The following SAMD12 variants were observed in gnomAD, a reference collection of about 807,000 sequenced individuals.
The protein encoded by SAMD12 is sterile alpha motif domain containing 12.
SAMD12 carries 9 observed loss-of-function variants against 15.0 expected under a neutral mutation model. That is an observed-to-expected ratio of 0.60 (90% CI 0.36 to 1.05). SAMD12 has a LOEUF of 1.05. SAMD12 is among the 50% of genes least tolerant of loss of function. The pLI, the probability that SAMD12 is intolerant of heterozygous loss-of-function variation, is 0.01. For synonymous variants in SAMD12, 86 were observed against 90.1 expected (o/e 0.96, Z 0.25); for missense variants, 230 against 234.2 (o/e 0.98, Z 0.12).
chr8:118,262,610 G>A (rs1217542218), intron 4 of SAMD12, among the ~76,000 whole-genome samples: 2 of 152,012 alleles, frequency 1.3e-5, no homozygotes, highest in African/African-American at 4.8e-5. Context: ...CAGACAACAT[G>A]GAAAAGAAGC....
At chr8:118,308,460 G>T (rs540871730) in intron 4 of SAMD12, among the ~76,000 whole-genome samples, 3 of 152,118 alleles carry the variant, frequency 2.0e-5, no homozygotes, top group Non-Finnish European at 4.4e-5. Flanking sequence ...CTCCCATTTT[G>T]CAGGGAGGAA....
At position 118,225,850 on chromosome 8, in the gene SAMD12, A is replaced by G. The variant is rs185635223; in HGVS notation, c.434-28118T>C. ...CATCAAAGCAGCTCTCCAAGGACAG[A>G]TAATGAGATTGAGGCTCAGAGATGG... On this transcript the variant is annotated intron_variant, in intron 4 of 4. Transcript: ENST00000409003. 1.6e-4 allele frequency among the ~76,000 whole-genome samples: 24 copies of G among 152,320 alleles called. No individual in the cohort carries two copies. The East Asian group carries it at 3.5e-3, about 22-fold the overall frequency.
At chr8:118,502,357 T>C (rs1824808855) in intron 2 of SAMD12, among the ~76,000 whole-genome samples, 1 of 152,218 alleles carries the variant, frequency 6.6e-6, no homozygotes. Context: ...TCATGGGTTA[T>C]GTTAGACAAA....
Position 118,618,028 on chromosome 8 carries a change from GTT to G in SAMD12, c.13+3774_13+3775del, listed in dbSNP as rs11308490. On this transcript the variant is annotated intron_variant, in intron 1 of 3. Transcript: ENST00000314727. ...AATTATTTCACAAGACATTGTTTTT[GTT>G]TTTTTTTTTTTTAAAAAAAGGCAAT... Among the ~76,000 whole-genome samples the G allele has an allele frequency of 5.3e-3, 764 of 145,372 alleles. 4 individuals are homozygous for G. Among genetic ancestry groups the G allele is most frequent in the African/African-American group, 0.016 (641 of 39,086 alleles).
intron 2 of SAMD12, among the ~76,000 whole-genome samples, chr8:118,521,006 G>A (rs1439840625): frequency 2.6e-5 from 4 of 151,996 alleles, no homozygotes; most frequent in Non-Finnish European, 5.9e-5. Flanking sequence ...ACTCTGTGTC[G>A]ATTTACAATT....
At chr8:118,265,901 C>A (rs1374395143) in intron 4 of SAMD12, among the ~76,000 whole-genome samples, 1 of 151,920 alleles carries the variant, frequency 6.6e-6, no homozygotes, top group Non-Finnish European at 1.5e-5. Context: ...CGACATCATA[C>A]AATATAAGAC....
chr8:118,235,913 C>T (rs1812418969), intron 4 of SAMD12, among the ~76,000 whole-genome samples: 1 of 152,160 alleles, frequency 6.6e-6, no homozygotes, highest in Non-Finnish European at 1.5e-5. Flanking sequence ...GAAAACAACG[C>T]AATAGTATTT....
At chr8:118,555,227 G>A (rs1442667035) in intron 2 of SAMD12, among the ~76,000 whole-genome samples, 2 of 152,058 alleles carry the variant, frequency 1.3e-5, no homozygotes, top group Non-Finnish European at 2.9e-5. Context: ...ATCTTTTCAG[G>A]GAACATACTG....
intron 4 of SAMD12, among the ~76,000 whole-genome samples, chr8:118,238,987 A>T (rs1248437289): frequency 6.6e-6 from 1 of 152,154 alleles, no homozygotes; most frequent in African/African-American, 2.4e-5. Flanking sequence ...GAAAAAAAGA[A>T]AACACCCAGA....
chr8:118,592,311 G>A lies in SAMD12; in HGVS notation c.14-11418C>T, dbSNP rs115887197. Among the ~76,000 whole-genome samples, 617 of 152,156 alleles carry A rather than the reference G, an allele frequency of 4.1e-3. 5 individuals are homozygous for A. Among genetic ancestry groups the A allele is most frequent in the African/African-American group, 0.014 (599 of 41,506 alleles). ...GAAAAGCAAATAGAGGAAAAAAAATGGCAAATGGGAAATGAAATGAAATTC... is the reference window on the plus strand; with the variant it reads ...GAAAAGCAAATAGAGGAAAAAAAATAGCAAATGGGAAATGAAATGAAATTC... On this transcript the variant is annotated intron_variant, in intron 1 of 3. Transcript: ENST00000314727.
At chr8:118,313,387 G>A (rs1222824769) in intron 4 of SAMD12, among the ~76,000 whole-genome samples, 1 of 152,112 alleles carries the variant, frequency 6.6e-6, no homozygotes, top group African/African-American at 2.4e-5. Flanking sequence ...ACTTGGCCAC[G>A]TACAAAGCAA....
intron 4 of SAMD12, among the ~76,000 whole-genome samples, chr8:118,330,006 T>C (rs957016409): frequency 3.3e-5 from 5 of 152,132 alleles, no homozygotes; most frequent in African/African-American, 1.2e-4. Context: ...CTCGCTTGTA[T>C]GGAACAACAT....
At chr8:118,461,945 T>G (rs1175673027) in intron 2 of SAMD12, among the ~76,000 whole-genome samples, 1 of 152,202 alleles carries the variant, frequency 6.6e-6, no homozygotes, top group Non-Finnish European at 1.5e-5. Context: ...CACATATGTT[T>G]AAAAGGACAC....
At position 118,621,920 on chromosome 8, in the gene SAMD12, T is replaced by A. The variant is rs541028753; in HGVS notation, c.-104A>T. ...CGCTTTCGCCTAAATATTCTGCGCT[T>A]ATCTGCTCCAGGACCAACCTGCCGC... On this transcript the variant is annotated 5_prime_UTR_variant, in exon 1 of 4. Coordinates refer to ENST00000314727, the MANE Select transcript of SAMD12 (RefSeq NM_207506.3). 16 of 1,361,110 alleles carry A rather than the reference T, an allele frequency of 1.2e-5. No homozygotes were observed. In the African/African-American group the frequency reaches 2.3e-4, roughly 19 times the overall value. The allele number at this position is 1,361,110 out of a possible 1,614,324, so 84.3% of individuals were successfully genotyped here. A position where few individuals can be genotyped will look rare whatever the true frequency, so the allele number is the denominator to read the frequency against.
chr8:118,299,191 G>C (rs922691201), intron 4 of SAMD12, among the ~76,000 whole-genome samples: 1 of 152,174 alleles, frequency 6.6e-6, no homozygotes, highest in African/African-American at 2.4e-5. Context: ...GGAAGGTCTA[G>C]AGGGAACTGA....
intron 1 of SAMD12, among the ~76,000 whole-genome samples, chr8:118,593,699 A>C (rs1004062434): frequency 5.9e-5 from 9 of 152,200 alleles, no homozygotes; most frequent in African/African-American, 1.7e-4. Context: ...GTTAAAGTCA[A>C]TGTGTTTTTT....
At chr8:118,486,007 C>A (rs573520715) in intron 2 of SAMD12, among the ~76,000 whole-genome samples, 2 of 152,306 alleles carry the variant, frequency 1.3e-5, no homozygotes, top group East Asian at 1.9e-4. Flanking sequence ...ATATCCTTAA[C>A]CTTCTAACCT....
chr8:118,412,753 C>A (rs939216175), intron 3 of SAMD12, among the ~76,000 whole-genome samples: 4 of 152,104 alleles, frequency 2.6e-5, no homozygotes, highest in African/African-American at 9.7e-5. Flanking sequence ...TTCCTGAAAT[C>A]TTAACTCACA....
At chr8:118,147,446 C>T in the SAMD12 span, among the ~76,000 whole-genome samples, 15 of 150,272 alleles carry the variant, frequency 1.0e-4, no homozygotes, top group Admixed American at 9.3e-4. Flanking sequence ...CTGCAACCTG[C>T]GCCTCCCCGG....
Sources: gnomAD v4.1 joint callset for allele counts (sites outside exome capture counted in the v4.1 genomes callset) on GRCh38, gnomAD v4.1.1 for gene constraint, MANE v1.5 for transcripts, NCBI Gene and HGNC (gene_info 2026-07-23, HGNC 2026-07-21) for gene names.